Variants in RXRG observed in about 807,000 individuals in gnomAD.
The protein encoded by RXRG is retinoic acid receptor RXR-gamma.
A neutral mutation model predicts 49.2 loss-of-function variants in RXRG; 19 were observed. The ratio of observed to expected loss-of-function variants is 0.39; its 90% CI spans 0.27 to 0.57. RXRG has a LOEUF of 0.57. Ranked by LOEUF, RXRG falls within the 20% of genes least tolerant of loss-of-function variation. The probability of loss-of-function intolerance (pLI) is 0.64; values close to 1 mark genes in which losing one functional copy is unlikely to be tolerated. For missense variants in RXRG, 452 were observed against 592.5 expected (o/e 0.76, Z 2.46); for synonymous variants, 224 against 216.6 (o/e 1.03, Z -0.30).
intron 2 of RXRG, among the ~76,000 whole-genome samples, chr1:165,422,833 G>A (rs2101727507): frequency 6.6e-6 from 1 of 152,322 alleles, no homozygotes; most frequent in East Asian, 1.9e-4. Context: ...TACCAGGTTA[G>A]GTACCTTACC....
chr1:165,421,954 C>T (rs1370127994), intron 2 of RXRG, among the ~76,000 whole-genome samples: 2 of 152,186 alleles, frequency 1.3e-5, no homozygotes, highest in Non-Finnish European at 2.9e-5. Context: ...CAGAGATTAG[C>T]ACTTGGATCC....
intron 1 of RXRG, among the ~76,000 whole-genome samples, chr1:165,434,280 A>ATGCG (rs544157047): frequency 4.4e-4 from 58 of 130,988 alleles, no homozygotes; most frequent in African/African-American, 1.5e-3. Flanking sequence ...GCATGTGTGT[A>ATGCG]TGTGTGTGTG....
chr1:165,433,766 T>C (rs1366883135), intron 1 of RXRG, among the ~76,000 whole-genome samples: 1 of 152,110 alleles, frequency 6.6e-6, no homozygotes, highest in East Asian at 1.9e-4. Flanking sequence ...TCTGGAATGG[T>C]CTGAGTCTGG....
At chr1:165,411,643 TG>T (rs1057482291) in intron 4 of RXRG, among the ~76,000 whole-genome samples, 1 of 152,112 alleles carries the variant, frequency 6.6e-6, no homozygotes, top group Non-Finnish European at 1.5e-5. Context: ...GAGCCAGCTG[TG>T]GGTATTTAGT....
chr1:165,444,773 C>A, intron 1 of RXRG, 72 bp downstream of exon 1: 2 of 1,255,530 alleles, frequency 1.6e-6, no homozygotes, highest in Admixed American at 1.7e-5. Context: ...CTAATCCAGT[C>A]ATTCGTATTT....
chr1:165,437,352 A>C (rs2101745295), intron 1 of RXRG: 1 of 581,326 alleles, frequency 1.7e-6, no homozygotes. Flanking sequence ...GATGTCTTCA[A>C]AATATTTGGA....
chr1:165,422,160 A>G (rs1206444723), intron 2 of RXRG, among the ~76,000 whole-genome samples: 2 of 152,162 alleles, frequency 1.3e-5, no homozygotes, highest in Admixed American at 1.3e-4. Flanking sequence ...GACCAGCTCC[A>G]CTGCCACCAG....
intron 4 of RXRG, among the ~76,000 whole-genome samples, chr1:165,413,170 T>C (rs1007058580): frequency 5.9e-5 from 9 of 152,182 alleles, no homozygotes; most frequent in Non-Finnish European, 8.8e-5. Flanking sequence ...GAGTCATATA[T>C]TGTTATTGGG....
At chr1:165,420,136 C>A in intron 2 of RXRG, 122 bp from the exon 3 acceptor site, 1 of 775,414 alleles carries the variant, frequency 1.3e-6, no homozygotes, top group Non-Finnish European at 1.8e-6. Flanking sequence ...TTTCCAAGTA[C>A]AGAGTATTTG....
chr1:165,428,300 A>G (rs1429804672), intron 2 of RXRG, among the ~76,000 whole-genome samples: 3 of 152,126 alleles, frequency 2.0e-5, no homozygotes, highest in African/African-American at 7.2e-5. Context: ...TTCTCCTCTC[A>G]TTTGTAAGCT....
Position 165,401,163 on chromosome 1 carries a change from GA to G in RXRG, c.*99del. 1 of 1,129,362 alleles carries G rather than the reference GA, an allele frequency of 8.9e-7. No homozygotes were observed. The allele number at this position is 1,129,362 out of a possible 1,614,324, so 70.0% of individuals were successfully genotyped here. Reference sequence around the variant, plus strand: ...TATAAGCATCACATTTTGGGGACAGGAAGGGGGTCAGGGTGGGAGGTGGAGG... The same window carrying G: ...TATAAGCATCACATTTTGGGGACAGGAGGGGGTCAGGGTGGGAGGTGGAGG... On this transcript the variant is annotated 3_prime_UTR_variant, in exon 10 of 10. Coordinates refer to ENST00000359842, the MANE Select transcript of RXRG (RefSeq NM_006917.5).
intron 6 of RXRG, 101 bp downstream of exon 6, chr1:165,410,601 C>T: frequency 7.5e-7 from 1 of 1,335,176 alleles, no homozygotes. Flanking sequence ...CAGCATGGTA[C>T]ATAGCTTGGA....
intron 4 of RXRG, among the ~76,000 whole-genome samples, chr1:165,415,234 G>A (rs1408448680): frequency 6.6e-6 from 1 of 152,194 alleles, no homozygotes; most frequent in Non-Finnish European, 1.5e-5. Context: ...CAGACAGCAA[G>A]TGCAAAGGCC....
intron 2 of RXRG, among the ~76,000 whole-genome samples, chr1:165,426,948 T>C (rs1658505143): frequency 6.6e-6 from 1 of 152,038 alleles, no homozygotes; most frequent in African/African-American, 2.4e-5. Flanking sequence ...GACGTCACAG[T>C]TCAAAGGTCA....
intron 4 of RXRG, among the ~76,000 whole-genome samples, chr1:165,413,519 G>T (rs1052310984): frequency 1.3e-5 from 2 of 152,034 alleles, no homozygotes; most frequent in African/African-American, 4.8e-5. Flanking sequence ...ACCCACAATG[G>T]CTCCTCCTGG....
At position 165,401,385 on chromosome 1, in the gene RXRG, G is replaced by T. The variant is rs1477696253; in HGVS notation, c.1270C>A (p.Pro424Thr). Residue 424 changes from proline (P) to threonine (T), a missense_variant, in exon 10 of 10, where the codon CCA becomes ACA. Physicochemically the swap from Pro to Thr is conservative, Grantham distance 38 (BLOSUM62 -1). This residue lies in a region of RXRG where 286 missense variants were observed against 440.9 expected (regional missense o/e 0.65). Coordinates refer to ENST00000359842, the MANE Select transcript of RXRG (RefSeq NM_006917.5). ...TTCAAGCCAATGGAACGCAGAGCTG[G>T]GAGGCGCAGCAGCAGCTTGGCAAAC... ...GRFAKLLLRL[P>T]ALRSIGLKCL... 6.2e-7 allele frequency: 1 copy of T among 1,614,162 alleles called. No homozygotes were observed. Among genetic ancestry groups the T allele is most frequent in the Admixed American group, 1.7e-5 (1 of 60,032 alleles).
At chr1:165,412,438 G>A (rs966443552) in intron 4 of RXRG, among the ~76,000 whole-genome samples, 5 of 151,906 alleles carry the variant, frequency 3.3e-5, no homozygotes, top group Admixed American at 2.6e-4. Context: ...GTGAAAAGAG[G>A]GGAAAAAACC....
In RXRG at chr1:165,409,608, A is replaced by G. The variant is rs1450546800; in HGVS notation, c.996T>C (p.His332=). Residue 332 remains histidine, a synonymous_variant, in exon 7 of 10, where the codon CAT becomes CAC. Coordinates refer to ENST00000359842, the MANE Select transcript of RXRG (RefSeq NM_006917.5). ...CACTGTGGGCACTGCTCCGGTGGAC[A>G]TGTAAACCCGTGGCCAGAAGGATGC... ...QDGILLATGL[H]VHRSSAHSAG... 6.3e-7 allele frequency: 1 copy of G among 1,576,374 alleles called. No individual in the cohort carries two copies. The highest frequency in any genetic ancestry group is 8.6e-7 in the Non-Finnish European group (1 of 1,162,398).
chr1:165,432,562 C>T (rs185513339), intron 1 of RXRG, among the ~76,000 whole-genome samples: 72 of 152,322 alleles, frequency 4.7e-4, no homozygotes, highest in African/African-American at 1.7e-3. Context: ...ATGTTTTTGT[C>T]AGCCTCTCTC....
Sources: gnomAD v4.1 joint callset for allele counts (sites outside exome capture counted in the v4.1 genomes callset) on GRCh38, gnomAD v4.1.1 for gene constraint, gnomAD v4.1.1 regional missense constraint, MANE v1.5 for transcripts, NCBI Gene and HGNC (gene_info 2026-07-23, HGNC 2026-07-21) for gene names.